The following HS3ST2 variants were observed in gnomAD, a reference collection of about 807,000 sequenced individuals.
HS3ST2 encodes heparan sulfate glucosamine 3-O-sulfotransferase 2.
In HS3ST2, 17 loss-of-function variants were observed where a neutral mutation model predicts 26.3. The ratio of observed to expected loss-of-function variants is 0.65; its 90% CI spans 0.44 to 0.97. The LOEUF (loss-of-function observed/expected upper bound fraction) is 0.97. Among genes scored for constraint, HS3ST2 ranks in the 50% least tolerant of loss-of-function variants. The pLI, the probability that HS3ST2 is intolerant of heterozygous loss-of-function variation, is 0.00. For missense variants in HS3ST2, 402 were observed against 501.2 expected, an observed-to-expected ratio of 0.80 and a Z score of 1.89; for synonymous variants, 237 against 219.2, an observed-to-expected ratio of 1.08 and a Z score of -0.72.
At chr16:22,871,459 C>A (rs1901837737) in intron 1 of HS3ST2, among the ~76,000 whole-genome samples, 1 of 152,040 alleles carries the variant, frequency 6.6e-6, no homozygotes, top group East Asian at 1.9e-4. Flanking sequence ...CTTGGCTAAG[C>A]TACAATGTTT....
At chr16:22,816,280 A>G (rs1900866682) in intron 1 of HS3ST2, among the ~76,000 whole-genome samples, 1 of 152,232 alleles carries the variant, frequency 6.6e-6, no homozygotes. Context: ...CTGACAGAGT[A>G]GCTGAGGCTA....
chr16:22,849,082 A>G (rs1158452334), intron 1 of HS3ST2, among the ~76,000 whole-genome samples: 1 of 152,180 alleles, frequency 6.6e-6, no homozygotes, highest in Non-Finnish European at 1.5e-5. Context: ...TTTCGCATCT[A>G]AGAAACGGGA....
chr16:22,833,361 T>C (rs1166575016), intron 1 of HS3ST2: 6 of 454,732 alleles, frequency 1.3e-5, no homozygotes, highest in Non-Finnish European at 2.2e-5. Flanking sequence ...CAAGAATGTG[T>C]GTCTTGCTAA....
intron 1 of HS3ST2, among the ~76,000 whole-genome samples, chr16:22,824,969 G>A (rs1162105391): frequency 1.3e-5 from 2 of 152,136 alleles, no homozygotes; most frequent in Non-Finnish European, 2.9e-5. Flanking sequence ...GGCTTTTTAG[G>A]AAGCATACAA....
intron 1 of HS3ST2, among the ~76,000 whole-genome samples, chr16:22,870,479 C>T (rs1418729128): frequency 6.6e-6 from 1 of 152,164 alleles, no homozygotes; most frequent in Non-Finnish European, 1.5e-5. Flanking sequence ...CGTCGCTCCT[C>T]TGCTTCTCAT....
intron 1 of HS3ST2, among the ~76,000 whole-genome samples, chr16:22,866,331 A>G (rs552461509): frequency 0.054 from 8,165 of 150,710 alleles, 311 homozygotes; most frequent in East Asian, 0.11. Flanking sequence ...GCGCGCGCAC[A>G]CACACACACA....
chr16:22,835,266 G>A (rs1472626357), intron 1 of HS3ST2, among the ~76,000 whole-genome samples: 1 of 151,488 alleles, frequency 6.6e-6, no homozygotes, highest in African/African-American at 2.4e-5. Context: ...TTCCCTCTGA[G>A]GTAGAAGTTA....
chr16:22,839,915 C>T (rs952252008), intron 1 of HS3ST2, among the ~76,000 whole-genome samples: 9 of 152,112 alleles, frequency 5.9e-5, no homozygotes, highest in Non-Finnish European at 8.8e-5. Context: ...GGGCCTTTCA[C>T]CTCAGCTTTT....
chr16:22,846,998 G>A (rs1414084161), intron 1 of HS3ST2, among the ~76,000 whole-genome samples: 1 of 152,098 alleles, frequency 6.6e-6, no homozygotes, highest in Non-Finnish European at 1.5e-5. Flanking sequence ...TTTTATTTTA[G>A]GTTAGGGGTA....
At chr16:22,846,580 T>C (rs1178648543) in intron 1 of HS3ST2, among the ~76,000 whole-genome samples, 1 of 152,156 alleles carries the variant, frequency 6.6e-6, no homozygotes, top group African/African-American at 2.4e-5. Flanking sequence ...TTACCACCAT[T>C]TGAGTTGTCA....
At chr16:22,815,966 C>A (rs555317050) in intron 1 of HS3ST2, among the ~76,000 whole-genome samples, 1 of 152,352 alleles carries the variant, frequency 6.6e-6, no homozygotes, top group African/African-American at 2.4e-5. Flanking sequence ...GTGCTAGGGG[C>A]AGCCAGTCAT....
At chr16:22,852,246 T>C (rs1420448220) in intron 1 of HS3ST2, among the ~76,000 whole-genome samples, 1 of 152,158 alleles carries the variant, frequency 6.6e-6, no homozygotes, top group East Asian at 1.9e-4. Flanking sequence ...TCAGAAACCC[T>C]GGTCTAAATG....
chr16:22,906,405 A>G (rs1902353676), intron 1 of HS3ST2, among the ~76,000 whole-genome samples: 1 of 151,968 alleles, frequency 6.6e-6, no homozygotes, highest in Admixed American at 6.5e-5. Flanking sequence ...AATTTCAGGT[A>G]CCTGGGCCTC....
At position 22,916,058 on chromosome 16, in the gene HS3ST2, C is replaced by A. The variant is rs1237275685; in HGVS notation, c.*496C>A. The A allele has an allele frequency of 6.4e-6, 1 of 157,372 alleles. No homozygotes were observed. Among genetic ancestry groups the A allele is most frequent in the South Asian group, 2.0e-4 (1 of 5,088 alleles). The allele number at this position is 157,372 out of a possible 1,614,324, so 9.7% of individuals were successfully genotyped here. On this transcript the variant is annotated 3_prime_UTR_variant, in exon 2 of 2. Coordinates refer to ENST00000261374, the MANE Select transcript of HS3ST2 (RefSeq NM_006043.2). The stretch of plus-strand genomic sequence containing the variant: ...ATCCTCAGCCCTCCTCAGACCTTAT[C>A]AATTCATTGAGAGATTGCAAAGCTG...
chr16:22,832,710 T>A (rs1901191573), intron 1 of HS3ST2, among the ~76,000 whole-genome samples: 1 of 151,394 alleles, frequency 6.6e-6, no homozygotes, highest in African/African-American at 2.4e-5. Flanking sequence ...AAGATCCAAC[T>A]GAAGGTCCTG....
At chr16:22,902,593 G>A (rs142283017) in intron 1 of HS3ST2, among the ~76,000 whole-genome samples, 85 of 152,264 alleles carry the variant, frequency 5.6e-4, no homozygotes, top group African/African-American at 2.0e-3. Context: ...AAGGGTATGT[G>A]CATTTTACAT....
chr16:22,885,344 A>T (rs936163009), intron 1 of HS3ST2, among the ~76,000 whole-genome samples: 2 of 151,920 alleles, frequency 1.3e-5, no homozygotes, highest in African/African-American at 4.8e-5. Context: ...AAAAAAAAAC[A>T]GGAAGAACAG....
chr16:22,866,297 G>A (rs934160370), intron 1 of HS3ST2, among the ~76,000 whole-genome samples: 1 of 151,766 alleles, frequency 6.6e-6, no homozygotes, highest in African/African-American at 2.4e-5. Flanking sequence ...TGGCAGAGGG[G>A]AGAATTCGCG....
chr16:22,886,334 G>A (rs1596626243), intron 1 of HS3ST2, among the ~76,000 whole-genome samples: 1 of 152,164 alleles, frequency 6.6e-6, no homozygotes, highest in South Asian at 2.1e-4. Context: ...TGGGGAGGTG[G>A]TGATGTAAAA....
Sources: gnomAD v4.1 joint callset for allele counts (sites outside exome capture counted in the v4.1 genomes callset) on GRCh38, gnomAD v4.1.1 for gene constraint, MANE v1.5 for transcripts, NCBI Gene and HGNC (gene_info 2026-07-23, HGNC 2026-07-21) for gene names.